MAP4K4: variants seen among roughly 807,000 people sequenced by gnomAD.
MAP4K4 encodes the protein HPK/GCK-like kinase HGK.
A neutral mutation model predicts 189.6 loss-of-function variants in MAP4K4; 38 were observed. The ratio of observed to expected loss-of-function variants is 0.20; its 90% CI spans 0.15 to 0.26. The LOEUF (loss-of-function observed/expected upper bound fraction) is 0.26, where lower values mean the gene tolerates loss of function less well. Ranked by LOEUF, MAP4K4 falls within the 10% of genes least tolerant of loss-of-function variation. MAP4K4 has a pLI of 1.00. For synonymous variants in MAP4K4, 610 were observed against 624.3 expected (o/e 0.98, Z 0.34); for missense variants, 1,054 against 1,726.9 (o/e 0.61, Z 6.91).
intron 2 of MAP4K4, among the ~76,000 whole-genome samples, chr2:101,726,889 A>G (rs1368278777): frequency 6.6e-6 from 1 of 152,208 alleles, no homozygotes; most frequent in African/African-American, 2.4e-5. Context: ...TGAGAAGTTC[A>G]AGAATAAGGG....
intron 2 of MAP4K4, among the ~76,000 whole-genome samples, chr2:101,702,894 C>G (rs2039816863): frequency 6.6e-6 from 1 of 152,082 alleles, no homozygotes; most frequent in African/African-American, 2.4e-5. Flanking sequence ...ACACTGTGCT[C>G]ATGTTAGACC....
intron 2 of MAP4K4, among the ~76,000 whole-genome samples, chr2:101,725,054 T>C (rs900893579): frequency 1.3e-5 from 2 of 152,206 alleles, no homozygotes; most frequent in Non-Finnish European, 2.9e-5. Flanking sequence ...CCATTGAGGA[T>C]TGTGGAAATG....
chr2:101,720,800 A>G (rs1355387882), intron 2 of MAP4K4, among the ~76,000 whole-genome samples: 1 of 152,188 alleles, frequency 6.6e-6, no homozygotes, highest in African/African-American at 2.4e-5. Flanking sequence ...TAATTACTAG[A>G]TCTAGCTCTT....
chr2:101,865,112 A>G, intron 18 of MAP4K4, 76 bp downstream of exon 18: 1 of 921,686 alleles, frequency 1.1e-6, no homozygotes, highest in East Asian at 2.7e-5. Flanking sequence ...TTTCATAAAA[A>G]TGCTCTTAAA....
At chr2:101,848,670 G>A (rs2097185788) in intron 12 of MAP4K4, among the ~76,000 whole-genome samples, 1 of 152,106 alleles carries the variant, frequency 6.6e-6, no homozygotes, top group African/African-American at 2.4e-5. Flanking sequence ...GCAGGTGAGG[G>A]AGGGTGCTTT....
chr2:101,778,547 G>A (rs1446470013), intron 2 of MAP4K4, among the ~76,000 whole-genome samples: 3 of 152,144 alleles, frequency 2.0e-5, no homozygotes, highest in African/African-American at 7.2e-5. Flanking sequence ...TTCTCAAGGT[G>A]CCTTGATTGG....
chr2:101,736,672 G>A (rs1439452107), intron 2 of MAP4K4, among the ~76,000 whole-genome samples: 1 of 152,152 alleles, frequency 6.6e-6, no homozygotes, highest in East Asian at 1.9e-4. Context: ...TCCTGTACAA[G>A]TAAGCCCCTT....
intron 3 of MAP4K4, among the ~76,000 whole-genome samples, chr2:101,800,840 T>C (rs1006619169): frequency 2.0e-5 from 3 of 152,234 alleles, no homozygotes; most frequent in South Asian, 4.1e-4. Context: ...TCTTGATCTC[T>C]TGGTAAATTA....
At chr2:101,761,779 A>G (rs1474930284) in intron 2 of MAP4K4, among the ~76,000 whole-genome samples, 1 of 151,580 alleles carries the variant, frequency 6.6e-6, no homozygotes, top group Non-Finnish European at 1.5e-5. Flanking sequence ...CTGGTCTCGA[A>G]CTCCTGACTG....
Position 101,882,701 on chromosome 2 carries a change from G to A in MAP4K4, c.3520+16G>A, listed in dbSNP as rs370596795. 132 of 1,517,628 alleles carry A rather than the reference G, an allele frequency of 8.7e-5. No individual in the cohort carries two copies. Among genetic ancestry groups the A allele is most frequent in the Middle Eastern group, 5.3e-4 (3 of 5,654 alleles). The allele number at this position is 1,517,628 out of a possible 1,614,324, so 94.0% of individuals were successfully genotyped here. A position where few individuals can be genotyped will look rare whatever the true frequency, so the allele number is the denominator to read the frequency against. On this transcript the variant is annotated intron_variant, in intron 28 of 32. Transcript: ENST00000324219. ...TATAAAGTTGGTAAGTTCTAGAAGC[G>A]TCATATTTTGTTTTTCCAGAGTTTG... is the stretch of plus-strand genomic sequence containing the variant.
At chr2:101,830,542 A>G (rs977128735) in intron 6 of MAP4K4, among the ~76,000 whole-genome samples, 1 of 152,232 alleles carries the variant, frequency 6.6e-6, no homozygotes, top group African/African-American at 2.4e-5. Flanking sequence ...TTTAGAAATC[A>G]TAGGCACAGC....
chr2:101,868,165 A>T, intron 21 of MAP4K4, 128 bp downstream of exon 21: 1 of 1,031,354 alleles, frequency 9.7e-7, no homozygotes, highest in Non-Finnish European at 1.5e-6. Flanking sequence ...AGAATTTAAA[A>T]ACCTCAAACT....
intron 9 of MAP4K4, among the ~76,000 whole-genome samples, chr2:101,836,540 A>C (rs1298537845): frequency 6.6e-6 from 1 of 152,110 alleles, no homozygotes; most frequent in African/African-American, 2.4e-5. Context: ...GTGAGCCGAG[A>C]TCACGCCATT....
In MAP4K4 at chr2:101,753,654, A is replaced by G. The variant is rs565727900; in HGVS notation, c.124-37066A>G. On this transcript the variant is annotated intron_variant, in intron 2 of 32. Transcript: ENST00000324219. The stretch of plus-strand genomic sequence containing the variant: ...TTACCTTTCAGACATTTTTGTCCGC[A>G]AGTATACAGTTTTTTTTTTTTTTCC... Among the ~76,000 whole-genome samples, 4 of 152,128 alleles carry G rather than the reference A, an allele frequency of 2.6e-5. No homozygotes were observed. In the East Asian group the frequency reaches 7.7e-4, roughly 29 times the overall value.
chr2:101,702,326 A>G (rs1028684938), intron 2 of MAP4K4, among the ~76,000 whole-genome samples: 3 of 152,056 alleles, frequency 2.0e-5, no homozygotes, highest in Non-Finnish European at 4.4e-5. Flanking sequence ...CAGCACTTTG[A>G]GAGGCGCAGG....
intron 3 of MAP4K4, among the ~76,000 whole-genome samples, chr2:101,811,319 C>T (rs978824284): frequency 4.0e-5 from 5 of 125,522 alleles, no homozygotes; most frequent in African/African-American, 8.9e-5. Context: ...TGCAGTGAGC[C>T]GAGATTTGCG....
intron 27 of MAP4K4, among the ~76,000 whole-genome samples, chr2:101,877,956 A>G (rs1001003720): frequency 2.0e-5 from 3 of 152,044 alleles, no homozygotes; most frequent in Non-Finnish European, 4.4e-5. Context: ...TCACCATGTT[A>G]GCCAGGATGG....
intron 2 of MAP4K4, among the ~76,000 whole-genome samples, chr2:101,782,011 G>T (rs959540104): frequency 6.6e-6 from 1 of 152,196 alleles, no homozygotes; most frequent in East Asian, 1.9e-4. Context: ...ACTGCCTGAC[G>T]TAATATTCCC....
intron 2 of MAP4K4, among the ~76,000 whole-genome samples, chr2:101,740,164 T>TG (rs2062028604): frequency 1.0e-5 from 1 of 98,634 alleles, no homozygotes; most frequent in Admixed American, 9.2e-5. Flanking sequence ...TTTTTTTTTT[T>TG]TTTTTTTGAG....
Sources: gnomAD v4.1 joint callset for allele counts (sites outside exome capture counted in the v4.1 genomes callset) on GRCh38, gnomAD v4.1.1 for gene constraint, MANE v1.5 for transcripts, NCBI Gene and HGNC (gene_info 2026-07-23, HGNC 2026-07-21) for gene names.